ABCA13: variants seen among roughly 807,000 people sequenced by gnomAD.
The protein encoded by ABCA13 is ATP binding cassette subfamily A member 13.
In ABCA13, 476 loss-of-function variants were observed where a neutral mutation model predicts 478.7. That is an observed-to-expected ratio of 0.99 (90% CI 0.92 to 1.07). The LOEUF is 1.07. ABCA13 is among the 50% of genes least tolerant of loss of function. ABCA13 has a pLI of 0.00. For missense variants in ABCA13, 6,060 were observed against 5,910.6 expected, an observed-to-expected ratio of 1.03 and a Z score of -0.83; for synonymous variants, 2,252 against 2,158.9, an observed-to-expected ratio of 1.04 and a Z score of -1.20.
chr7:48,448,362 G>A (rs73330024), intron 42 of ABCA13, among the ~76,000 whole-genome samples: 3,427 of 152,290 alleles, frequency 0.023, 134 homozygotes, highest in African/African-American at 0.078. Flanking sequence ...TAGTGATACT[G>A]ATGGGTTCAT....
intron 3 of ABCA13, among the ~76,000 whole-genome samples, chr7:48,216,942 G>A (rs767822674): frequency 6.6e-6 from 1 of 152,096 alleles, no homozygotes; most frequent in Non-Finnish European, 1.5e-5. Context: ...ATTTCTCTCA[G>A]GAATGTTTTT....
chr7:48,279,505 C>T lies in ABCA13; in HGVS notation c.8311C>T (p.Leu2771Phe), dbSNP rs577917720. Residue 2771 changes from leucine (L) to phenylalanine (F), a missense_variant, in exon 18 of 62, where the codon CTT becomes TTT. This residue lies in a region of ABCA13 where 4,423 missense variants were observed against 4,309.1 expected (regional missense o/e 1.03). Coordinates refer to ENST00000435803, the MANE Select transcript of ABCA13 (RefSeq NM_152701.5). ...GACATTTACTCAGCATCCAAATAAC[C>T]TTTTGAAAACCATAGAAACAGTTTT... The part of the protein sequence containing the change: ...LMTFTQHPNN[L>F]LKTIETVLEA... 6.2e-7 allele frequency: 1 copy of T among 1,612,916 alleles called. No homozygotes were observed. Among genetic ancestry groups the T allele is most frequent in the South Asian group, 1.1e-5 (1 of 90,948 alleles).
chr7:48,474,981 G>T (rs546741265), intron 45 of ABCA13, among the ~76,000 whole-genome samples: 1 of 152,280 alleles, frequency 6.6e-6, no homozygotes, highest in Admixed American at 6.5e-5. Context: ...AGTCAAATAC[G>T]TTTTGCAAAT....
intron 45 of ABCA13, among the ~76,000 whole-genome samples, chr7:48,476,978 G>T (rs554178046): frequency 6.6e-6 from 1 of 152,292 alleles, no homozygotes; most frequent in East Asian, 1.9e-4. Flanking sequence ...AAACTGCTAA[G>T]CAGCTCAGTT....
At position 48,272,972 on chromosome 7, in the gene ABCA13, G is replaced by T. The variant is rs745683720; in HGVS notation, c.3306G>T (p.Ser1102=). ...EDLLDNKCLI[S]DNKHISSVNY... ...TATTGGATAATAAATGCTTGATTTC[G>T]GACAATAAACACATTTCTTCCGTAA... Residue 1102 remains serine (S), a synonymous_variant, in exon 17 of 62, where the codon TCG becomes TCT. Transcript: ENST00000435803. 5 of 1,613,314 alleles carry T rather than the reference G, an allele frequency of 3.1e-6. No individual in the cohort carries two copies. The highest frequency in any genetic ancestry group is 2.2e-5 in the South Asian group (2 of 91,034).
intron 15 of ABCA13, among the ~76,000 whole-genome samples, chr7:48,258,792 A>G (rs1411738120): frequency 6.6e-6 from 1 of 152,154 alleles, no homozygotes; most frequent in Non-Finnish European, 1.5e-5. Context: ...GCTATGTCCC[A>G]GAGATTCTTT....
intron 55 of ABCA13, among the ~76,000 whole-genome samples, chr7:48,544,946 C>T (rs1784685667): frequency 6.6e-6 from 1 of 151,908 alleles, no homozygotes; most frequent in African/African-American, 2.4e-5. Context: ...CTGGTGTCTG[C>T]TGCAGAAATG....
At chr7:48,260,828 C>G (rs1438014274) in intron 15 of ABCA13, among the ~76,000 whole-genome samples, 1 of 151,846 alleles carries the variant, frequency 6.6e-6, no homozygotes, top group Non-Finnish European at 1.5e-5. Context: ...TTACTTATAT[C>G]CCTGAAGAGT....
intron 8 of ABCA13, among the ~76,000 whole-genome samples, chr7:48,234,746 G>T (rs1789692726): frequency 6.6e-6 from 1 of 152,166 alleles, no homozygotes; most frequent in Non-Finnish European, 1.5e-5. Flanking sequence ...CAGCCCATTT[G>T]TAGGCACTTC....
At chr7:48,237,019 T>G (rs895386406) in intron 8 of ABCA13, among the ~76,000 whole-genome samples, 2 of 150,990 alleles carry the variant, frequency 1.3e-5, no homozygotes, top group African/African-American at 2.4e-5. Flanking sequence ...AGGGTTTTTT[T>G]TTTTTTTTTT....
chr7:48,469,872 A>C (rs1017217301), intron 44 of ABCA13, among the ~76,000 whole-genome samples: 2 of 151,332 alleles, frequency 1.3e-5, no homozygotes, highest in African/African-American at 4.9e-5. Context: ...GTGAGCCGAG[A>C]TTGTGCCATT....
chr7:48,268,325 T>A (rs576234105), intron 15 of ABCA13, among the ~76,000 whole-genome samples: 13 of 151,766 alleles, frequency 8.6e-5, no homozygotes, highest in African/African-American at 2.9e-4. Flanking sequence ...CCCGGCTAAT[T>A]TTTTTGTATT....
At chr7:48,304,227 G>A (rs1408201728) in intron 23 of ABCA13, among the ~76,000 whole-genome samples, 1 of 152,158 alleles carries the variant, frequency 6.6e-6, no homozygotes, top group Non-Finnish European at 1.5e-5. Context: ...ACTGTAGATA[G>A]TAGAACTGTC....
At position 48,274,407 on chromosome 7, in the gene ABCA13, T is replaced by C. The variant is rs1796021384; in HGVS notation, c.4741T>C (p.Phe1581Leu). The change falls in exon 17 of 62, where the codon TTT (phenylalanine) becomes CTT (leucine). Residue 1581 changes from phenylalanine (F) to leucine (L), a missense_variant. Transcript: ENST00000435803. The stretch of plus-strand genomic sequence containing the variant: ...TAAAACTGAAAACTTGTTAAACATA[T>C]TTGCCACCAGTCCAAAAGAAAAGGA... Reference protein sequence around the residue: ...SSKTENLLNIFATSPKEKDVN... With the variant: ...SSKTENLLNILATSPKEKDVN... The C allele has an allele frequency of 6.2e-7, 1 of 1,612,844 alleles. No individual in the cohort carries two copies.
At position 48,352,429 on chromosome 7, in the gene ABCA13, G is replaced by A. The variant is rs746484457; in HGVS notation, c.10630G>A (p.Ala3544Thr). The change falls in exon 31 of 62, where the codon GCC becomes ACC. Residue 3544 changes from alanine (A) to threonine (T), a missense_variant. Ala to Thr is a moderately conservative substitution (Grantham distance 58, BLOSUM62 0). Around this residue, in one of 3 missense-constraint regions of ABCA13, gnomAD observed 4,423 missense variants for 4,309.1 expected, o/e 1.03. Coordinates refer to ENST00000435803, the MANE Select transcript of ABCA13 (RefSeq NM_152701.5). ...CATTTTGGTGCAGACTGGGCAGGAA[G>A]CCCTGGAACCAGCAGCACAGACTCA... ...AIILVQTGQE[A>T]LEPAAQTQAA... 6.2e-7 allele frequency: 1 copy of A among 1,613,132 alleles called. No individual in the cohort carries two copies. Among genetic ancestry groups the A allele is most frequent in the South Asian group, 1.1e-5 (1 of 90,990 alleles).
intron 42 of ABCA13, among the ~76,000 whole-genome samples, chr7:48,438,091 T>A (rs1823083648): frequency 6.6e-6 from 1 of 152,080 alleles, no homozygotes; most frequent in African/African-American, 2.4e-5. Flanking sequence ...ATGCTCTTAT[T>A]CTTGTGTGCT....
At chr7:48,368,697 A>G (rs899482330) in intron 32 of ABCA13, among the ~76,000 whole-genome samples, 15 of 139,684 alleles carry the variant, frequency 1.1e-4, no homozygotes, top group African/African-American at 3.9e-4. Context: ...GTATATATAT[A>G]TATATATATA....
intron 42 of ABCA13, among the ~76,000 whole-genome samples, chr7:48,430,969 C>G (rs958840731): frequency 6.6e-6 from 1 of 152,100 alleles, no homozygotes; most frequent in Non-Finnish European, 1.5e-5. Context: ...TAATTATAAA[C>G]ATTTACTGCT....
At chr7:48,467,729 A>G (rs1827039119) in intron 44 of ABCA13, among the ~76,000 whole-genome samples, 1 of 152,230 alleles carries the variant, frequency 6.6e-6, no homozygotes, top group African/African-American at 2.4e-5. Flanking sequence ...GGCAAATGAT[A>G]AAAGCCATAA....
Sources: allele counts gnomAD v4.1 joint callset (sites outside exome capture counted in the v4.1 genomes callset), GRCh38; gene constraint gnomAD v4.1.1; regional missense constraint gnomAD v4.1.1; transcripts MANE v1.5; gene names NCBI Gene and HGNC (gene_info 2026-07-23, HGNC 2026-07-21).